The following ADAMTSL1 variants were observed in gnomAD, a reference collection of about 807,000 sequenced individuals.
The protein encoded by ADAMTSL1 is ADAMTS like 1.
Under a neutral mutation model 201.8 loss-of-function variants are expected in ADAMTSL1, and 126 were observed. The ratio of observed to expected loss-of-function variants is 0.62; its 90% CI spans 0.54 to 0.72. ADAMTSL1 has a LOEUF of 0.72. ADAMTSL1 is among the 30% of genes least tolerant of loss of function. The probability of loss-of-function intolerance (pLI) is 0.00; values close to 1 mark genes in which losing one functional copy is unlikely to be tolerated. For synonymous variants in ADAMTSL1, 1,121 were observed against 903.4 expected, an observed-to-expected ratio of 1.24 and a Z score of -4.32; for missense variants, 2,679 against 2,277.8, an observed-to-expected ratio of 1.18 and a Z score of -3.59.
intron 23 of ADAMTSL1, among the ~76,000 whole-genome samples, chr9:18,842,026 T>TTC: frequency 6.6e-6 from 1 of 151,436 alleles, no homozygotes; most frequent in Non-Finnish European, 1.5e-5. Context: ...GTTTTTTGTG[T>TTC]CTCTATTTCC....
At chr9:18,282,097 A>G (rs971374920) in intron 2 of ADAMTSL1, among the ~76,000 whole-genome samples, 5 of 152,006 alleles carry the variant, frequency 3.3e-5, no homozygotes, top group African/African-American at 1.2e-4. Flanking sequence ...GTTATTTTTC[A>G]ATCCTTCCCC....
At chr9:18,393,048 G>C (rs1157448895) in intron 2 of ADAMTSL1, among the ~76,000 whole-genome samples, 1 of 152,174 alleles carries the variant, frequency 6.6e-6, no homozygotes, top group Non-Finnish European at 1.5e-5. Flanking sequence ...TTTTCTCTTA[G>C]AGTGCTTATT....
intron 2 of ADAMTSL1, among the ~76,000 whole-genome samples, chr9:18,518,812 G>A (rs1213993431): frequency 3.3e-5 from 5 of 152,100 alleles, no homozygotes; most frequent in Admixed American, 6.5e-5. Context: ...GGATTCAAGC[G>A]ATTCTCCTGC....
chr9:18,804,942 A>C (rs1475124152), intron 20 of ADAMTSL1, among the ~76,000 whole-genome samples: 2 of 152,236 alleles, frequency 1.3e-5, no homozygotes, highest in African/African-American at 2.4e-5. Flanking sequence ...TTAAATTTAT[A>C]ATACTTCATT....
At chr9:18,638,973 G>A (rs1263997534) in intron 6 of ADAMTSL1, among the ~76,000 whole-genome samples, 1 of 152,028 alleles carries the variant, frequency 6.6e-6, no homozygotes. Context: ...CAGTAAAGCG[G>A]GATGCCCAAA....
chr9:18,480,738 T>C (rs1203770565), intron 1 of ADAMTSL1, among the ~76,000 whole-genome samples: 2 of 152,232 alleles, frequency 1.3e-5, no homozygotes, highest in East Asian at 3.9e-4. Context: ...TGCCACATCA[T>C]TCTAATGGTG....
Position 18,733,958 on chromosome 9 carries a change from T to TA in ADAMTSL1, c.2006+12296dup, listed in dbSNP as rs1332410092. ...TAAGAATTAGGAAAACAAAACTACC[T>TA]AAACTAATTCACACTAAGGTGTAAA... On this transcript the variant is annotated intron_variant, in intron 15 of 28. Transcript: ENST00000380548. 2.1e-5 allele frequency among the ~76,000 whole-genome samples: 3 copies of TA among 143,808 alleles called. No individual in the cohort carries two copies. The East Asian group carries it at 7.1e-4, about 34-fold the overall frequency. 94.3% of individuals were successfully genotyped at this position (143,808 alleles called of 152,430 possible).
At chr9:18,312,258 C>T (rs561459173) in intron 2 of ADAMTSL1, among the ~76,000 whole-genome samples, 1 of 152,262 alleles carries the variant, frequency 6.6e-6, no homozygotes, top group South Asian at 2.1e-4. Flanking sequence ...AGATTGGTGG[C>T]AACTTCCTGT....
chr9:18,013,986 G>C lies in ADAMTSL1; in HGVS notation c.87+107064G>C, dbSNP rs541897228. Among the ~76,000 whole-genome samples the C allele has an allele frequency of 2.6e-5, 4 of 152,144 alleles. No homozygotes were observed. In the South Asian group the frequency reaches 8.3e-4, roughly 32 times the overall value. The stretch of plus-strand genomic sequence containing the variant: ...GCAGTTCCTTAAGCTTTTGAAATCT[G>C]TTCCCTCAGAAGGTTTTCTCATGCC... On this transcript the variant is annotated intron_variant, in intron 1 of 29. Transcript: ENST00000680146.
At chr9:18,753,245 T>C in intron 15 of ADAMTSL1, 53 bp from the exon 16 acceptor site, 2 of 1,532,822 alleles carry the variant, frequency 1.3e-6, no homozygotes, top group Middle Eastern at 1.7e-4. Context: ...ATGGGAAACA[T>C]TCTCTGCACA....
chr9:18,061,982 G>T (rs903103483), intron 1 of ADAMTSL1, among the ~76,000 whole-genome samples: 4 of 152,188 alleles, frequency 2.6e-5, no homozygotes, highest in African/African-American at 9.6e-5. Context: ...CTTGGAGACA[G>T]GATGAAGGAA....
chr9:18,867,261 C>A (rs186689577), intron 23 of ADAMTSL1, among the ~76,000 whole-genome samples: 20 of 152,290 alleles, frequency 1.3e-4, no homozygotes, highest in Admixed American at 1.2e-3. Flanking sequence ...TGAAAGTGAA[C>A]CTACCAGCAG....
In ADAMTSL1 at chr9:18,303,664, G is replaced by C. The variant is rs191931893; in HGVS notation, c.207+139683G>C. Among the ~76,000 whole-genome samples the C allele has an allele frequency of 7.5e-4, 115 of 152,320 alleles. 1 individual carries two copies. The highest frequency in any genetic ancestry group is 2.7e-3 in the African/African-American group (111 of 41,562). Reference sequence around the variant, plus strand: ...TGACAAGAGTCAGGAGAGGAAGAGAGAGCGCGGAAAGGCAGGGATGGGGGT... The same window carrying C: ...TGACAAGAGTCAGGAGAGGAAGAGACAGCGCGGAAAGGCAGGGATGGGGGT... On this transcript the variant is annotated intron_variant, in intron 2 of 29. Transcript: ENST00000680146.
intron 1 of ADAMTSL1, among the ~76,000 whole-genome samples, chr9:18,015,860 G>C (rs1157188002): frequency 6.6e-6 from 1 of 151,968 alleles, no homozygotes; most frequent in African/African-American, 2.4e-5. Context: ...AGCTCCTCAA[G>C]AGATTGTAAT....
chr9:18,887,755 C>T (rs731370), intron 23 of ADAMTSL1, 76 bp from the exon 24 acceptor site: 1 of 1,326,410 alleles, frequency 7.5e-7, no homozygotes, highest in Non-Finnish European at 1.1e-6. Context: ...TAGAGCCACA[C>T]AGACAGTAAA....
chr9:18,800,158 C>A lies in ADAMTSL1; in HGVS notation c.3805+4634C>A, dbSNP rs185911702. On this transcript the variant is annotated intron_variant, in intron 20 of 28. Coordinates refer to ENST00000380548, the MANE Select transcript of ADAMTSL1 (RefSeq NM_001040272.6). ...TTGGGAGGCTGAGGCGGGCAGATGG[C>A]CTGAAGTCAGGAGTTTGAGACCAGC... is the stretch of plus-strand genomic sequence containing the variant. Among the ~76,000 whole-genome samples the A allele has an allele frequency of 5.1e-4, 78 of 152,140 alleles. 1 individual carries two copies. In the East Asian group the frequency reaches 0.013, roughly 25 times the overall value.
At chr9:18,686,533 A>G (rs1830850297) in intron 13 of ADAMTSL1, among the ~76,000 whole-genome samples, 1 of 152,252 alleles carries the variant, frequency 6.6e-6, no homozygotes, top group African/African-American at 2.4e-5. Context: ...TATTTAAGAC[A>G]CAGAAAGATG....
In ADAMTSL1 at chr9:18,753,590, G is replaced by C. The variant is rs1294879469; in HGVS notation, c.2217+82G>C. 6 of 1,458,252 alleles carry C rather than the reference G, an allele frequency of 4.1e-6. No individual in the cohort carries two copies. In the South Asian group the frequency reaches 7.3e-5, roughly 18 times the overall value. 90.3% of individuals were successfully genotyped at this position (1,458,252 alleles called of 1,614,324 possible). A position where few individuals can be genotyped will look rare whatever the true frequency, so the allele number is the denominator to read the frequency against. On this transcript the variant is annotated intron_variant, in intron 16 of 28. Coordinates refer to ENST00000380548, the MANE Select transcript of ADAMTSL1 (RefSeq NM_001040272.6). ...AGGGATGCTCTCTCAGAGTGGTTTTGTCCAGGGATGTTAAAGGGATGTTCA... is the reference window on the plus strand; with the variant it reads ...AGGGATGCTCTCTCAGAGTGGTTTTCTCCAGGGATGTTAAAGGGATGTTCA...
At position 18,908,572 on chromosome 9, in the gene ADAMTSL1, T is replaced by C. The variant is rs1830439929; in HGVS notation, c.*24T>C. On this transcript the variant is annotated 3_prime_UTR_variant, in exon 29 of 29. Transcript: ENST00000380548. ...GAAGATAGGGTGTGGGGAAAAACTC[T>C]ACCCTGGCCACACGAAGGACTCACG... 3.3e-6 allele frequency: 5 copies of C among 1,536,294 alleles called. No homozygotes were observed. Among genetic ancestry groups the C allele is most frequent in the South Asian group, 2.4e-5 (2 of 83,454 alleles).
Sources: gnomAD v4.1 joint callset for allele counts (sites outside exome capture counted in the v4.1 genomes callset) on GRCh38, gnomAD v4.1.1 for gene constraint, MANE v1.5 for transcripts, NCBI Gene and HGNC (gene_info 2026-07-23, HGNC 2026-07-21) for gene names.